The following SVIL variants were observed in gnomAD, a reference collection of about 807,000 sequenced individuals.
The protein encoded by SVIL is supervillin.
Under a neutral mutation model 240.4 loss-of-function variants are expected in SVIL, and 101 were observed. That is an observed-to-expected ratio of 0.42 (90% CI 0.36 to 0.50). The LOEUF is 0.50. SVIL is among the 20% of genes least tolerant of loss of function. The pLI, the probability that SVIL is intolerant of heterozygous loss-of-function variation, is 0.01. For synonymous variants in SVIL, 999 were observed against 1,100.0 expected (o/e 0.91, Z 1.82); for missense variants, 2,512 against 2,818.7 (o/e 0.89, Z 2.46).
chr10:29,491,346 A>AT (rs1947937679), intron 21 of SVIL, among the ~76,000 whole-genome samples: 1 of 151,432 alleles, frequency 6.6e-6, no homozygotes, highest in South Asian at 2.1e-4. Context: ...CCTCCCCCCT[A>AT]CCACGCCCAT....
chr10:29,725,539 G>A (rs993742032), intron 1 of SVIL, among the ~76,000 whole-genome samples: 2 of 152,098 alleles, frequency 1.3e-5, no homozygotes, highest in African/African-American at 4.8e-5. Flanking sequence ...CCTCCACGAG[G>A]GGTTCATTTA....
intron 1 of SVIL, among the ~76,000 whole-genome samples, chr10:29,703,640 A>G (rs778812599): frequency 1.3e-5 from 2 of 152,168 alleles, no homozygotes; most frequent in Non-Finnish European, 2.9e-5. Context: ...CCAGACACCA[A>G]CGTCCAGGGG....
At chr10:29,586,433 A>G (rs1019720254) in intron 1 of SVIL, among the ~76,000 whole-genome samples, 5 of 152,142 alleles carry the variant, frequency 3.3e-5, no homozygotes, top group African/African-American at 1.2e-4. Flanking sequence ...GAGCTATACC[A>G]TTCTGTCCTT....
intron 17 of SVIL, among the ~76,000 whole-genome samples, chr10:29,503,370 C>A (rs1949043842): frequency 6.6e-6 from 1 of 152,190 alleles, no homozygotes; most frequent in Non-Finnish European, 1.5e-5. Context: ...AAAGTAAAAT[C>A]TTTTTCTGGT....
chr10:29,515,528 C>A (rs1314738086), intron 16 of SVIL, among the ~76,000 whole-genome samples: 1 of 152,168 alleles, frequency 6.6e-6, no homozygotes, highest in Non-Finnish European at 1.5e-5. Context: ...GAAGTCCTTC[C>A]AGTTCATGAT....
chr10:29,652,267 C>T (rs535156161), intron 3 of SVIL, among the ~76,000 whole-genome samples: 1 of 152,284 alleles, frequency 6.6e-6, no homozygotes, highest in South Asian at 2.1e-4. Flanking sequence ...ATGGATTTGC[C>T]TGTTCTAGAA....
chr10:29,565,939 A>G (rs117811151), intron 2 of SVIL, among the ~76,000 whole-genome samples: 4,357 of 152,286 alleles, frequency 0.029, 98 homozygotes, highest in Non-Finnish European at 0.04. Context: ...AAAAATTAAA[A>G]TATGTCGAAT....
At chr10:29,707,411 G>C (rs975969632) in intron 1 of SVIL, among the ~76,000 whole-genome samples, 4 of 152,146 alleles carry the variant, frequency 2.6e-5, no homozygotes, top group Admixed American at 1.3e-4. Context: ...ATTGTGATTG[G>C]GAGTTCATTC....
intron 1 of SVIL, among the ~76,000 whole-genome samples, chr10:29,624,739 C>A (rs187833138): frequency 4.7e-4 from 72 of 152,192 alleles, no homozygotes; most frequent in Non-Finnish European, 8.8e-4. Context: ...GGAGATGCTG[C>A]ATGCATAAAA....
intron 1 of SVIL, among the ~76,000 whole-genome samples, chr10:29,581,788 G>C (rs1034920418): frequency 9.2e-5 from 14 of 152,300 alleles, no homozygotes; most frequent in African/African-American, 3.4e-4. Flanking sequence ...GAGGAAGAGA[G>C]AATGGTCAGC....
chr10:29,624,963 T>C (rs1957808536), intron 1 of SVIL, among the ~76,000 whole-genome samples: 1 of 152,050 alleles, frequency 6.6e-6, no homozygotes, highest in East Asian at 1.9e-4. Flanking sequence ...TTGGGCAAAA[T>C]TAAACGTAAA....
intron 2 of SVIL, among the ~76,000 whole-genome samples, chr10:29,663,056 T>C (rs1959176759): frequency 1.3e-5 from 2 of 152,192 alleles, no homozygotes; most frequent in East Asian, 1.9e-4. Flanking sequence ...GAGGCTGCAG[T>C]GAGCTATGAT....
chr10:29,624,657 A>C (rs1957797834), intron 1 of SVIL, among the ~76,000 whole-genome samples: 1 of 152,218 alleles, frequency 6.6e-6, no homozygotes, highest in Non-Finnish European at 1.5e-5. Context: ...TAAAAGTAAA[A>C]ACAAAGTCTC....
intron 6 of SVIL, among the ~76,000 whole-genome samples, chr10:29,538,035 G>A (rs1951863891): frequency 6.6e-6 from 1 of 152,230 alleles, no homozygotes; most frequent in South Asian, 2.1e-4. Flanking sequence ...CGAAGGCAGT[G>A]CAACTCAGTC....
chr10:29,535,297 C>T (rs1427674949), intron 7 of SVIL, among the ~76,000 whole-genome samples: 1 of 152,072 alleles, frequency 6.6e-6, no homozygotes, highest in African/African-American at 2.4e-5. Context: ...GTTTGTTAAT[C>T]AAAAGGAGAC....
intron 1 of SVIL, among the ~76,000 whole-genome samples, chr10:29,596,079 C>T (rs1391005461): frequency 6.6e-6 from 1 of 152,214 alleles, no homozygotes; most frequent in Non-Finnish European, 1.5e-5. Flanking sequence ...AGCACAGAAG[C>T]ACCACACACC....
chr10:29,567,048 T>G (rs192899864), intron 2 of SVIL, among the ~76,000 whole-genome samples: 1 of 152,336 alleles, frequency 6.6e-6, no homozygotes, highest in East Asian at 1.9e-4. Flanking sequence ...AGAAACACCT[T>G]TTGGATTTTT....
At chr10:29,514,354 G>A (rs976914042) in intron 16 of SVIL, among the ~76,000 whole-genome samples, 2 of 151,928 alleles carry the variant, frequency 1.3e-5, no homozygotes, top group African/African-American at 4.8e-5. Flanking sequence ...ATCCTGCCTC[G>A]GCCTCCAGAG....
intron 1 of SVIL, among the ~76,000 whole-genome samples, chr10:29,708,399 T>G (rs560970583): frequency 4.6e-5 from 7 of 151,916 alleles, no homozygotes; most frequent in Admixed American, 3.3e-4. Flanking sequence ...GGTGGGCGGA[T>G]CACCTGAGGT....
Sources: allele counts gnomAD v4.1 joint callset (sites outside exome capture counted in the v4.1 genomes callset), GRCh38; gene constraint gnomAD v4.1.1; transcripts MANE v1.5; gene names NCBI Gene and HGNC (gene_info 2026-07-23, HGNC 2026-07-21).